The following PDE8B variants were observed in gnomAD, a reference collection of about 807,000 sequenced individuals.
PDE8B encodes high affinity cAMP-specific and IBMX-insensitive 3',5'-cyclic phosphodiesterase 8B.
Under a neutral mutation model 101.3 loss-of-function variants are expected in PDE8B, and 26 were observed. That is an observed-to-expected ratio of 0.26 (90% CI 0.19 to 0.36). The LOEUF is 0.36. Ranked by LOEUF, PDE8B falls within the 10% of genes least tolerant of loss-of-function variation. The pLI, the probability that PDE8B is intolerant of heterozygous loss-of-function variation, is 1.00. For synonymous variants in PDE8B, 424 were observed against 429.3 expected (o/e 0.99, Z 0.15); for missense variants, 810 against 1,163.1 (o/e 0.70, Z 4.42).
At chr5:77,242,027 A>G (rs995367354) in intron 1 of PDE8B, among the ~76,000 whole-genome samples, 1 of 152,222 alleles carries the variant, frequency 6.6e-6, no homozygotes, top group African/African-American at 2.4e-5. Context: ...CCTGTAAAAT[A>G]TCCAGAGCTT....
chr5:77,116,548 A>G, the PDE8B span, among the ~76,000 whole-genome samples: 2 of 152,122 alleles, frequency 1.3e-5, no homozygotes. Context: ...AGCCTCTCAA[A>G]TTATATTTCT....
rs573920581 is a variant in PDE8B, at chr5:77,312,996, T to A, written c.399+943T>A. Among the ~76,000 whole-genome samples, 29 of 152,288 alleles carry A rather than the reference T, an allele frequency of 1.9e-4. No homozygotes were observed. The South Asian group carries it at 6.0e-3, about 32-fold the overall frequency. Reference sequence around the variant, plus strand: ...CCCGTGCCCCCTTAAGAGAAACATGTATGAAGAGGGAGTTTGTACCCTTTT... The same window carrying A: ...CCCGTGCCCCCTTAAGAGAAACATGAATGAAGAGGGAGTTTGTACCCTTTT... On this transcript the variant is annotated intron_variant, in intron 2 of 21. Coordinates refer to ENST00000264917, the MANE Select transcript of PDE8B (RefSeq NM_003719.5).
chr5:77,339,941 T>A (rs1380248886), intron 6 of PDE8B, among the ~76,000 whole-genome samples: 4 of 152,322 alleles, frequency 2.6e-5, no homozygotes, highest in Non-Finnish European at 4.4e-5. Flanking sequence ...CTAAATCACA[T>A]ATCTGTATGC....
At chr5:77,249,292 C>G (rs1271835122) in intron 1 of PDE8B, among the ~76,000 whole-genome samples, 1 of 152,224 alleles carries the variant, frequency 6.6e-6, no homozygotes, top group African/African-American at 2.4e-5. Flanking sequence ...AGTCACACCA[C>G]AAACACTGTC....
intron 1 of PDE8B, among the ~76,000 whole-genome samples, chr5:77,243,519 C>T (rs1756214791): frequency 6.6e-6 from 1 of 152,204 alleles, no homozygotes; most frequent in South Asian, 2.1e-4. Context: ...CCTGCTCCCA[C>T]TCCCAGACCC....
At chr5:77,109,608 C>T in the PDE8B span, among the ~76,000 whole-genome samples, 2 of 152,200 alleles carry the variant, frequency 1.3e-5, no homozygotes, top group Non-Finnish European at 2.9e-5. Context: ...TTTCGGTGTG[C>T]TCAGACAGCA....
At chr5:77,265,373 T>C (rs887737120) in intron 1 of PDE8B, among the ~76,000 whole-genome samples, 4 of 152,228 alleles carry the variant, frequency 2.6e-5, no homozygotes, top group African/African-American at 9.6e-5. Context: ...TTATTTGCTG[T>C]CAGAAAGCTT....
intron 1 of PDE8B, among the ~76,000 whole-genome samples, chr5:77,248,110 A>G (rs969197115): frequency 2.0e-5 from 3 of 152,238 alleles, no homozygotes; most frequent in Non-Finnish European, 4.4e-5. Flanking sequence ...TTCCAAAGTT[A>G]CAGTCACAAA....
the PDE8B span, among the ~76,000 whole-genome samples, chr5:77,172,437 T>C: frequency 6.6e-6 from 1 of 152,224 alleles, no homozygotes; most frequent in East Asian, 1.9e-4. Flanking sequence ...ACGGTGTTTG[T>C]TAATTCTGCT....
chr5:77,166,767 C>T, the PDE8B span: 2 of 152,164 alleles, frequency 1.3e-5, no homozygotes, highest in African/African-American at 4.8e-5. Context: ...CCCTATGAAA[C>T]ACCTTATGTT....
chr5:77,246,004 C>T (rs909161378), intron 1 of PDE8B, among the ~76,000 whole-genome samples: 6 of 151,924 alleles, frequency 3.9e-5, no homozygotes, highest in African/African-American at 1.4e-4. Flanking sequence ...GTACGCACTA[C>T]CACGCCCAGC....
chr5:77,345,652 G>A (rs1456230703), intron 7 of PDE8B, among the ~76,000 whole-genome samples: 1 of 152,242 alleles, frequency 6.6e-6, no homozygotes, highest in African/African-American at 2.4e-5. Flanking sequence ...GGAAATGTGT[G>A]TAGCAGAGAA....
chr5:77,204,288 G>A, the PDE8B span, among the ~76,000 whole-genome samples: 3 of 151,708 alleles, frequency 2.0e-5, no homozygotes, highest in Admixed American at 6.6e-5. Flanking sequence ...GCATGCACCT[G>A]TATTCCCAGC....
At chr5:77,219,613 G>A (rs1750643258) in intron 1 of PDE8B, among the ~76,000 whole-genome samples, 1 of 152,162 alleles carries the variant, frequency 6.6e-6, no homozygotes, top group African/African-American at 2.4e-5. Context: ...TGACCAAATG[G>A]AGAGACAAAT....
At chr5:77,404,932 A>G (rs959656106) in intron 12 of PDE8B, 135 bp downstream of exon 12, 5 of 673,996 alleles carry the variant, frequency 7.4e-6, no homozygotes, top group Admixed American at 2.2e-5. Context: ...CAATAAGCTC[A>G]AAGGTTTTAG....
At chr5:77,097,732 T>TATACAC in the PDE8B span, among the ~76,000 whole-genome samples, 2 of 65,240 alleles carry the variant, frequency 3.1e-5, no homozygotes, top group African/African-American at 7.9e-5. Flanking sequence ...TATATATATA[T>TATACAC]ACATACATAT....
chr5:77,124,598 A>G, the PDE8B span, among the ~76,000 whole-genome samples: 1 of 147,846 alleles, frequency 6.8e-6, no homozygotes, highest in African/African-American at 2.7e-5. Flanking sequence ...AAAAAAAAAA[A>G]GAAAGAAAGA....
Position 77,387,704 on chromosome 5 carries a change from A to G in PDE8B, c.1168-12544A>G, listed in dbSNP as rs539992093. ...TGGTTCCATTCTCCCCATCACTTTCAGGTACACCAGTCAAATGTAGGTTTG... is the reference window on the plus strand; with the variant it reads ...TGGTTCCATTCTCCCCATCACTTTCGGGTACACCAGTCAAATGTAGGTTTG... On this transcript the variant is annotated intron_variant, in intron 10 of 21. Transcript: ENST00000264917. Among the ~76,000 whole-genome samples the G allele has an allele frequency of 3.9e-5, 6 of 152,298 alleles. No homozygotes were observed. In the East Asian group the frequency reaches 1.2e-3, roughly 29 times the overall value.
At chr5:77,102,258 C>A in the PDE8B span, among the ~76,000 whole-genome samples, 9 of 152,050 alleles carry the variant, frequency 5.9e-5, no homozygotes, top group African/African-American at 2.2e-4. Flanking sequence ...TTGCACCAGG[C>A]TTTTAGTTTA....
Sources: allele counts gnomAD v4.1 joint callset (sites outside exome capture counted in the v4.1 genomes callset), GRCh38; gene constraint gnomAD v4.1.1; transcripts MANE v1.5; gene names NCBI Gene and HGNC (gene_info 2026-07-23, HGNC 2026-07-21).